Variants in ADAMTSL1 observed in about 807,000 individuals in gnomAD.
The protein encoded by ADAMTSL1 is ADAMTS like 1.
A neutral mutation model predicts 201.8 loss-of-function variants in ADAMTSL1; 126 were observed. That is an observed-to-expected ratio of 0.62 (90% CI 0.54 to 0.72). The LOEUF is 0.72. Ranked by LOEUF, ADAMTSL1 falls within the 30% of genes least tolerant of loss-of-function variation. ADAMTSL1 has a pLI of 0.00. For synonymous variants in ADAMTSL1, 1,121 were observed against 903.4 expected (o/e 1.24, Z -4.32); for missense variants, 2,679 against 2,277.8 (o/e 1.18, Z -3.59).
At chr9:18,605,671 G>A (rs1564084278) in intron 4 of ADAMTSL1, among the ~76,000 whole-genome samples, 1 of 152,088 alleles carries the variant, frequency 6.6e-6, no homozygotes, top group African/African-American at 2.4e-5. Context: ...CATCACCCCG[G>A]TACTATAATC....
chr9:18,317,117 A>G (rs1834431757), intron 2 of ADAMTSL1, among the ~76,000 whole-genome samples: 1 of 152,210 alleles, frequency 6.6e-6, no homozygotes, highest in African/African-American at 2.4e-5. Flanking sequence ...TAAGTGAAAT[A>G]AACTAAATAT....
chr9:18,252,260 G>A (rs543561123), intron 2 of ADAMTSL1, among the ~76,000 whole-genome samples: 29 of 152,080 alleles, frequency 1.9e-4, no homozygotes, highest in Admixed American at 4.6e-4. Context: ...CAAATAATTC[G>A]AAAGTGGAAT....
chr9:17,921,542 C>G (rs1439460663), intron 1 of ADAMTSL1, among the ~76,000 whole-genome samples: 1 of 152,120 alleles, frequency 6.6e-6, no homozygotes, highest in Non-Finnish European at 1.5e-5. Flanking sequence ...GAAGTTAGCA[C>G]TATTTATTCT....
chr9:18,041,716 G>A (rs1025568229), intron 1 of ADAMTSL1, among the ~76,000 whole-genome samples: 17 of 151,980 alleles, frequency 1.1e-4, no homozygotes, highest in Non-Finnish European at 2.9e-5. Context: ...TTTTGATATT[G>A]TACCAATTGA....
intron 2 of ADAMTSL1, among the ~76,000 whole-genome samples, chr9:18,211,697 T>G (rs1452642766): frequency 6.6e-6 from 1 of 152,142 alleles, no homozygotes; most frequent in African/African-American, 2.4e-5. Context: ...TAGAAGAGAA[T>G]TTCACCGTCC....
At chr9:18,453,101 C>T (rs1201163281) in intron 2 of ADAMTSL1, among the ~76,000 whole-genome samples, 1 of 152,218 alleles carries the variant, frequency 6.6e-6, no homozygotes, top group Non-Finnish European at 1.5e-5. Flanking sequence ...AGCTCTTGCT[C>T]TCTGTGCACC....
rs111928273 is a variant in ADAMTSL1 at position 18,298,750 on chromosome 9, T to G, written c.207+134769T>G. 4.9e-3 allele frequency among the ~76,000 whole-genome samples: 747 copies of G among 151,344 alleles called. 11 individuals are homozygous for G. The highest frequency in any genetic ancestry group is 0.017 in the African/African-American group (696 of 41,220). ...AGTCAAGAACAATAATAGGCCGGGC[T>G]CGGTGGCTCACGCTTGTAATCCCAG... On this transcript the variant is annotated intron_variant, in intron 2 of 29. Transcript: ENST00000680146.
intron 1 of ADAMTSL1, among the ~76,000 whole-genome samples, chr9:18,086,432 C>G (rs1823773742): frequency 6.6e-6 from 1 of 152,004 alleles, no homozygotes; most frequent in Non-Finnish European, 1.5e-5. Flanking sequence ...AATAAACAGC[C>G]AAAATCAATT....
At chr9:18,568,759 G>A (rs925600815) in intron 3 of ADAMTSL1, among the ~76,000 whole-genome samples, 1 of 146,922 alleles carries the variant, frequency 6.8e-6, no homozygotes, top group African/African-American at 2.5e-5. Flanking sequence ...TACAGTACAT[G>A]TAGTCATCTG....
At chr9:18,310,396 A>AAAAAAAAAAAAAAAAAAT in intron 2 of ADAMTSL1, among the ~76,000 whole-genome samples, 1 of 142,672 alleles carries the variant, frequency 7.0e-6, no homozygotes, top group Non-Finnish European at 1.5e-5. Context: ...AAAAAAAAAA[A>AAAAAAAAAAAAAAAAAAT]AAACTATCTT....
chr9:18,638,242 A>G (rs1252326228), intron 6 of ADAMTSL1, among the ~76,000 whole-genome samples: 1 of 152,108 alleles, frequency 6.6e-6, no homozygotes, highest in African/African-American at 2.4e-5. Flanking sequence ...ATAGAGAACT[A>G]CAAGTAGACC....
At chr9:18,380,255 A>G (rs79927096) in intron 2 of ADAMTSL1, among the ~76,000 whole-genome samples, 2,076 of 152,320 alleles carry the variant, frequency 0.014, 53 homozygotes, top group African/African-American at 0.048. Context: ...AGGATTACAA[A>G]AGATTAAAAA....
intron 1 of ADAMTSL1, among the ~76,000 whole-genome samples, chr9:17,942,792 G>A (rs1283311981): frequency 2.0e-5 from 3 of 152,098 alleles, no homozygotes. Context: ...GACATAATTA[G>A]GTACCTTGTA....
At chr9:18,043,840 T>A (rs534468798) in intron 1 of ADAMTSL1, among the ~76,000 whole-genome samples, 3 of 151,764 alleles carry the variant, frequency 2.0e-5, no homozygotes, top group African/African-American at 7.3e-5. Flanking sequence ...GGAATGTACT[T>A]TAGATATGGT....
intron 21 of ADAMTSL1, among the ~76,000 whole-genome samples, chr9:18,818,720 G>A (rs769113172): frequency 6.6e-6 from 1 of 152,094 alleles, no homozygotes; most frequent in Non-Finnish European, 1.5e-5. Context: ...GAGCCCAGAG[G>A]TCAAGGCTGC....
chr9:18,798,678 C>G (rs534831897), intron 20 of ADAMTSL1, among the ~76,000 whole-genome samples: 1 of 152,250 alleles, frequency 6.6e-6, no homozygotes, highest in African/African-American at 2.4e-5. Context: ...AGGGAGATGG[C>G]TTGTGATGAA....
rs370106902 is a variant in ADAMTSL1 at position 18,029,879 on chromosome 9, T to G, written c.87+122957T>G. On this transcript the variant is annotated intron_variant, in intron 1 of 29. Coordinates refer to the ADAMTSL1 transcript ENST00000680146. ...CTCACACCAGTTAGAATGGTGATCA[T>G]TAAAAAGTCAGGAAACAACAGGTGC... is the stretch of plus-strand genomic sequence containing the variant. Among the ~76,000 whole-genome samples, 225 of 152,106 alleles carry G rather than the reference T, an allele frequency of 1.5e-3. 4 individuals carry two copies. In the South Asian group the frequency reaches 0.046, roughly 31 times the overall value.
intron 2 of ADAMTSL1, among the ~76,000 whole-genome samples, chr9:18,453,029 C>G (rs1820470971): frequency 6.6e-6 from 1 of 152,236 alleles, no homozygotes; most frequent in South Asian, 2.1e-4. Flanking sequence ...AAGTTTCTGC[C>G]TGAGCCCCCA....
intron 23 of ADAMTSL1, among the ~76,000 whole-genome samples, chr9:18,863,425 G>T (rs1827326714): frequency 6.6e-6 from 1 of 152,160 alleles, no homozygotes; most frequent in Non-Finnish European, 1.5e-5. Context: ...ATGGAAAATG[G>T]GCTTGGATAG....
Sources: allele counts gnomAD v4.1 joint callset (sites outside exome capture counted in the v4.1 genomes callset), GRCh38; gene constraint gnomAD v4.1.1; transcripts MANE v1.5; gene names NCBI Gene and HGNC (gene_info 2026-07-23, HGNC 2026-07-21).